The following CCNG1 variants were observed in gnomAD, a reference collection of about 807,000 sequenced individuals.
CCNG1 encodes the protein cyclin G1.
Under a neutral mutation model 30.0 loss-of-function variants are expected in CCNG1, and 13 were observed. The observed-to-expected ratio is 0.43, with a 90% CI of 0.28 to 0.69. The LOEUF is 0.69. Ranked by LOEUF, CCNG1 falls within the 30% of genes least tolerant of loss-of-function variation. The pLI is 0.16. For synonymous variants in CCNG1, 110 were observed against 121.5 expected (o/e 0.91, Z 0.62); for missense variants, 285 against 331.4 (o/e 0.86, Z 1.09).
chr5:163,437,917 C>G (rs1168150931), intron 1 of CCNG1, 113 bp downstream of exon 1: 1 of 152,224 alleles, frequency 6.6e-6, no homozygotes, highest in African/African-American at 2.4e-5. Context: ...AACTCTACCG[C>G]TGTTGTGAGC....
intron 2 of CCNG1, 89 bp downstream of exon 2, chr5:163,439,609 C>CTG (rs1554093808): frequency 1.3e-3 from 1,384 of 1,045,958 alleles, no homozygotes; most frequent in East Asian, 1.5e-3. Context: ...TAAACTTGAC[C>CTG]TTTTTTTTTT....
Position 163,443,890 on chromosome 5 carries a change from G to C in CCNG1, c.*220G>C, listed in dbSNP as rs1561620676. The C allele has an allele frequency of 1.9e-6, 1 of 530,748 alleles. No individual in the cohort carries two copies. The highest frequency in any genetic ancestry group is 3.3e-6 in the Non-Finnish European group (1 of 303,394). 32.9% of individuals were successfully genotyped at this position (530,748 alleles called of 1,614,324 possible). ...TGAAGCATTCAAATCAAAGCTAAAA[G>C]CCTAAATGTGAAATGCTAATGACAA... On this transcript the variant is annotated 3_prime_UTR_variant, in exon 7 of 7. Transcript: ENST00000340828.
the CCNG1 span, among the ~76,000 whole-genome samples, chr5:163,454,833 T>C: frequency 6.6e-6 from 1 of 151,818 alleles, no homozygotes; most frequent in African/African-American, 2.4e-5. Flanking sequence ...TAGAGGTATG[T>C]AGAATTCAAG....
the CCNG1 span, among the ~76,000 whole-genome samples, chr5:163,456,421 A>G: frequency 2.6e-5 from 4 of 152,220 alleles, no homozygotes; most frequent in Admixed American, 2.0e-4. Flanking sequence ...GCAGTTAAAA[A>G]GAATGAGTTT....
intron 6 of CCNG1, 44 bp from the exon 7 acceptor site, chr5:163,443,630 G>A (rs2069367): frequency 3.8e-6 from 4 of 1,055,258 alleles, no homozygotes; most frequent in South Asian, 2.7e-5. Flanking sequence ...AGGCAGACTG[G>A]CTTCTGTTAA....
intron 2 of CCNG1, among the ~76,000 whole-genome samples, chr5:163,440,319 A>C (rs184371800): frequency 8.1e-4 from 124 of 152,312 alleles, no homozygotes; most frequent in African/African-American, 2.9e-3. Context: ...CAAATGAATA[A>C]TATACAGCTA....
Position 163,437,692 on chromosome 5 carries a change from C to T in CCNG1, c.-113C>T, listed in dbSNP as rs2069339. 1 of 152,368 alleles carries T rather than the reference C, an allele frequency of 6.6e-6. No homozygotes were observed. The highest frequency in any genetic ancestry group is 2.4e-5 in the African/African-American group (1 of 41,500). The allele number at this position is 152,368 out of a possible 1,614,324, so 9.4% of individuals were successfully genotyped here. On this transcript the variant is annotated 5_prime_UTR_variant, in exon 1 of 7. Transcript: ENST00000340828. ...CAGTCCCCCTCCCCGGGCCTCTCTC[C>T]TCTTGCCTACGAGTCCCCTCTCCTC...
chr5:163,457,105 C>T, the CCNG1 span: 3 of 1,565,534 alleles, frequency 1.9e-6, no homozygotes. Flanking sequence ...CACACACACA[C>T]ACGCACAAAT....
chr5:163,439,622 G>C (rs1757705538), intron 2 of CCNG1, 102 bp downstream of exon 2: 3 of 945,052 alleles, frequency 3.2e-6, no homozygotes, highest in Non-Finnish European at 4.8e-6. Context: ...TTTTTTTTCA[G>C]CACGTAGCCA....
the CCNG1 span, among the ~76,000 whole-genome samples, chr5:163,454,292 C>T: frequency 6.6e-6 from 1 of 152,100 alleles, no homozygotes; most frequent in Non-Finnish European, 1.5e-5. Flanking sequence ...GAAACATATA[C>T]TTCAATAAAA....
chr5:163,451,539 T>G, the CCNG1 span: 1 of 152,116 alleles, frequency 6.6e-6, no homozygotes, highest in Non-Finnish European at 1.5e-5. Context: ...CTCAAAAAAT[T>G]TTGTTAAATG....
chr5:163,445,355 GCT>G (rs1374255131), downstream of CCNG1, among the ~76,000 whole-genome samples: 1 of 150,872 alleles, frequency 6.6e-6, no homozygotes, highest in Non-Finnish European at 1.5e-5. Context: ...ATTATAAAAA[GCT>G]CTCTCTACCC....
At chr5:163,455,487 G>A in the CCNG1 span, among the ~76,000 whole-genome samples, 1 of 152,152 alleles carries the variant, frequency 6.6e-6, no homozygotes, top group Non-Finnish European at 1.5e-5. Context: ...TAACTGGCTG[G>A]GCGCGGTGGT....
At chr5:163,448,820 A>G (rs1035129556), downstream of CCNG1, 1 of 152,216 alleles carries the variant, frequency 6.6e-6, no homozygotes, top group Non-Finnish European at 1.5e-5. Flanking sequence ...AAAATTCTGG[A>G]ATCAGTAAAA....
chr5:163,445,620 A>ATTTTTTTTT (rs56065634), downstream of CCNG1, among the ~76,000 whole-genome samples: 3,709 of 107,886 alleles, frequency 0.034, 244 homozygotes, highest in Non-Finnish European at 0.043. Flanking sequence ...CACCCAGCTA[A>ATTTTTTTTT]TTTTTTTTTT....
rs1202252169 is a variant in CCNG1, at chr5:163,439,413, G to GACTTTT, written c.162_163insTACTTT (p.Phe54_Glu55insTyrPhe). 1.1e-5 allele frequency: 17 copies of GACTTTT among 1,613,950 alleles called. No individual in the cohort carries two copies. The highest frequency in any genetic ancestry group is 1.4e-5 in the Non-Finnish European group (17 of 1,179,928). ...CCTCAGAATGACTGCAAGACTAAGG[G>GACTTTT]ACTTTGAAGTAAAAGATCTTCTTAG... On this transcript the variant is annotated inframe_insertion, in exon 2 of 7. Transcript: ENST00000340828.
chr5:163,447,919 G>A (rs1379391205), downstream of CCNG1: 2 of 152,102 alleles, frequency 1.3e-5, no homozygotes, highest in Non-Finnish European at 2.9e-5. Flanking sequence ...CCATGCTGGT[G>A]CTGCAATTTA....
the CCNG1 span, chr5:163,453,958 A>T: frequency 3.4e-6 from 5 of 1,486,106 alleles, no homozygotes; most frequent in Non-Finnish European, 4.6e-6. Flanking sequence ...AATGCAGGAA[A>T]AAAAGCAGTT....
At chr5:163,454,494 AC>A in the CCNG1 span, among the ~76,000 whole-genome samples, 1 of 152,222 alleles carries the variant, frequency 6.6e-6, no homozygotes, top group African/African-American at 2.4e-5. Flanking sequence ...GGCATGTACC[AC>A]CATGCCTGGC....
Sources: allele counts gnomAD v4.1 joint callset (sites outside exome capture counted in the v4.1 genomes callset), GRCh38; gene constraint gnomAD v4.1.1; transcripts MANE v1.5; gene names NCBI Gene and HGNC (gene_info 2026-07-23, HGNC 2026-07-21).